Variants in CPSF2 observed in about 807,000 individuals in gnomAD.
CPSF2 encodes the protein cleavage and polyadenylation specificity factor subunit 2.
A neutral mutation model predicts 84.2 loss-of-function variants in CPSF2; 51 were observed. The observed-to-expected ratio is 0.61, with a 90% CI of 0.48 to 0.77. The LOEUF is 0.77. Among genes scored for constraint, CPSF2 ranks in the 30% least tolerant of loss-of-function variants. The probability of loss-of-function intolerance (pLI) is 0.00; values close to 1 mark genes in which losing one functional copy is unlikely to be tolerated. For missense variants in CPSF2, 641 were observed against 929.4 expected, an observed-to-expected ratio of 0.69 and a Z score of 4.03; for synonymous variants, 286 against 311.9, an observed-to-expected ratio of 0.92 and a Z score of 0.87.
At chr14:92,136,729 C>T (rs868492007) in intron 6 of CPSF2, among the ~76,000 whole-genome samples, 67 of 152,266 alleles carry the variant, frequency 4.4e-4, no homozygotes, top group African/African-American at 1.5e-3. Flanking sequence ...TTTCTGCATT[C>T]GTCCTCCTTC....
chr14:92,151,935 C>T (rs1210181374), intron 9 of CPSF2, among the ~76,000 whole-genome samples: 1 of 149,798 alleles, frequency 6.7e-6, no homozygotes, highest in Non-Finnish European at 1.5e-5. Context: ...TCGCTTGAGG[C>T]TGGAAGATTG....
At chr14:92,147,143 T>C (rs1436927707) in intron 9 of CPSF2, among the ~76,000 whole-genome samples, 1 of 152,196 alleles carries the variant, frequency 6.6e-6, no homozygotes, top group African/African-American at 2.4e-5. Context: ...TTGGTATCCC[T>C]AGCACCCAGA....
rs1452830909 is a variant in CPSF2, at chr14:92,171,633, A to C, written c.*9889A>C. The C allele has an allele frequency of 6.6e-6, 1 of 152,146 alleles. No homozygotes were observed. Among genetic ancestry groups the C allele is most frequent in the Non-Finnish European group, 1.5e-5 (1 of 68,044 alleles). The allele number at this position is 152,146 out of a possible 1,614,324, so 9.4% of individuals were successfully genotyped here. A position where few individuals can be genotyped will look rare whatever the true frequency, so the allele number is the denominator to read the frequency against. On this transcript the variant is annotated 3_prime_UTR_variant, in exon 16 of 16. Transcript: ENST00000298875. Reference sequence around the variant, plus strand: ...ATTTAAAACCAAGATCCGGATGCTAAAGGCTGTGCTCATTGCCCCTGTGCT... The same window carrying C: ...ATTTAAAACCAAGATCCGGATGCTACAGGCTGTGCTCATTGCCCCTGTGCT...
At chr14:92,150,147 AG>A (rs1399660123) in intron 9 of CPSF2, among the ~76,000 whole-genome samples, 2 of 144,406 alleles carry the variant, frequency 1.4e-5, no homozygotes, top group Non-Finnish European at 3.0e-5. Flanking sequence ...CTTGTGTTTG[AG>A]ACGGAGCCTT....
intron 15 of CPSF2, 22 bp from the exon 16 acceptor site, chr14:92,161,630 A>AT (rs537252831): frequency 2.2e-5 from 33 of 1,534,226 alleles, no homozygotes; most frequent in South Asian, 4.8e-5. Context: ...GTACTAAAGA[A>AT]TTTTTTTTAT....
At chr14:92,146,989 T>C (rs1016858796) in intron 9 of CPSF2, among the ~76,000 whole-genome samples, 1 of 151,964 alleles carries the variant, frequency 6.6e-6, no homozygotes, top group East Asian at 2.0e-4. Flanking sequence ...AGATTTAAAA[T>C]ACCTGCCTGG....
chr14:92,154,295 C>A, intron 9 of CPSF2, 63 bp from the exon 10 acceptor site: 1 of 1,144,060 alleles, frequency 8.7e-7, no homozygotes, highest in South Asian at 1.6e-5. Flanking sequence ...TCTCATATCC[C>A]ACTGCTTTAA....
chr14:92,127,725 C>T (rs951594025), intron 2 of CPSF2, among the ~76,000 whole-genome samples: 1 of 152,100 alleles, frequency 6.6e-6, no homozygotes, highest in South Asian at 2.1e-4. Context: ...GATGTCAAGT[C>T]TTTCAGAAGG....
intron 9 of CPSF2, chr14:92,153,887 A>G (rs887970923): frequency 4.7e-4 from 28 of 59,340 alleles, no homozygotes; most frequent in African/African-American, 1.9e-3. Context: ...TTTTTTTTTT[A>G]TGTGGAGACA....
At chr14:92,142,102 T>C in intron 7 of CPSF2, 62 bp from the exon 8 acceptor site, 1 of 1,211,708 alleles carries the variant, frequency 8.3e-7, no homozygotes, top group South Asian at 2.0e-5. Flanking sequence ...GATAAAATTA[T>C]CTTTAATTTT....
At chr14:92,142,650 A>T (rs879513264) in intron 8 of CPSF2, among the ~76,000 whole-genome samples, 3 of 152,246 alleles carry the variant, frequency 2.0e-5, no homozygotes, top group Non-Finnish European at 4.4e-5. Flanking sequence ...AACCTACCTC[A>T]TAGCATTGGC....
chr14:92,159,204 T>A lies in CPSF2; in HGVS notation c.2043T>A (p.Ser681Arg). Reference sequence around the variant, plus strand: ...TAGCACAACAAAAGGCCATGAAAAGTCTGTTCGGAGATGATGAAAAAGAAA... The same window carrying A: ...TAGCACAACAAAAGGCCATGAAAAGACTGTTCGGAGATGATGAAAAAGAAA... Reference protein sequence around the residue: ...SVIAQQKAMKSLFGDDEKETG... With the variant: ...SVIAQQKAMKRLFGDDEKETG... The change falls in exon 14 of 16, where the codon AGT becomes AGA. Residue 681 changes from serine to arginine, a missense_variant. Coordinates refer to ENST00000298875, the MANE Select transcript of CPSF2 (RefSeq NM_017437.3). The A allele has an allele frequency of 6.2e-7, 1 of 1,614,010 alleles. No homozygotes were observed. The highest frequency in any genetic ancestry group is 8.5e-7 in the Non-Finnish European group (1 of 1,179,956).
At chr14:92,141,887 T>C (rs776557857) in intron 7 of CPSF2, among the ~76,000 whole-genome samples, 2 of 152,160 alleles carry the variant, frequency 1.3e-5, no homozygotes, top group African/African-American at 2.4e-5. Context: ...ATTTTCTATG[T>C]GTATTATGAT....
At chr14:92,134,851 A>T (rs980068103) in intron 5 of CPSF2, among the ~76,000 whole-genome samples, 1 of 152,228 alleles carries the variant, frequency 6.6e-6, no homozygotes, top group African/African-American at 2.4e-5. Flanking sequence ...TTTCATAGAT[A>T]TGAACCCTGG....
At position 92,166,633 on chromosome 14, in the gene CPSF2, T is replaced by C. The variant is rs2069451029; in HGVS notation, c.*4889T>C. 1 of 152,160 alleles carries C rather than the reference T, an allele frequency of 6.6e-6. No individual in the cohort carries two copies. The highest frequency in any genetic ancestry group is 1.5e-5 in the Non-Finnish European group (1 of 68,020). 9.4% of individuals were successfully genotyped at this position (152,160 alleles called of 1,614,324 possible). On this transcript the variant is annotated 3_prime_UTR_variant, in exon 16 of 16. Coordinates refer to ENST00000298875, the MANE Select transcript of CPSF2 (RefSeq NM_017437.3). ...GCCCAAAGTGCTGGGATTACAGGCA[T>C]GAGTCACCATTCCTGGCATTAATTT...
intron 9 of CPSF2, among the ~76,000 whole-genome samples, chr14:92,149,505 A>C (rs2069184748): frequency 6.6e-6 from 1 of 152,022 alleles, no homozygotes; most frequent in Admixed American, 6.6e-5. Flanking sequence ...TAATCCCAGC[A>C]CTTTGGGAGG....
intron 9 of CPSF2, 69 bp from the exon 10 acceptor site, chr14:92,154,289 A>G (rs2069260469): frequency 5.6e-6 from 6 of 1,070,288 alleles, no homozygotes; most frequent in African/African-American, 1.6e-5. Flanking sequence ...GATGTATCTC[A>G]TATCCCACTG....
chr14:92,146,293 G>A (rs1231488259), intron 9 of CPSF2, among the ~76,000 whole-genome samples: 1 of 152,098 alleles, frequency 6.6e-6, no homozygotes, highest in African/African-American at 2.4e-5. Flanking sequence ...AGGCAGAGGT[G>A]GGCGGATCAC....
rs1298246115 is a variant in CPSF2 at position 92,122,092 on chromosome 14, G to C, written c.-130G>C. Reference sequence around the variant, plus strand: ...GAACCTGGATTCGCCTAGGGGTTGGGAAGGGCTGTGGACGGCGTTGGGGGA... The same window carrying C: ...GAACCTGGATTCGCCTAGGGGTTGGCAAGGGCTGTGGACGGCGTTGGGGGA... On this transcript the variant is annotated 5_prime_UTR_variant, in exon 1 of 16. Coordinates refer to ENST00000298875, the MANE Select transcript of CPSF2 (RefSeq NM_017437.3). 2 of 461,360 alleles carry C rather than the reference G, an allele frequency of 4.3e-6. No homozygotes were observed. The highest frequency in any genetic ancestry group is 8.0e-6 in the Non-Finnish European group (2 of 251,094). 28.6% of individuals were successfully genotyped at this position (461,360 alleles called of 1,614,324 possible). A position where few individuals can be genotyped will look rare whatever the true frequency, so the allele number is the denominator to read the frequency against.
Sources: gnomAD v4.1 joint callset for allele counts (sites outside exome capture counted in the v4.1 genomes callset) on GRCh38, gnomAD v4.1.1 for gene constraint, MANE v1.5 for transcripts, NCBI Gene and HGNC (gene_info 2026-07-23, HGNC 2026-07-21) for gene names.